Variants in ATRX observed in about 807,000 individuals in gnomAD.
ATRX encodes chromatin remodeler ATRX.
ATRX carries 12 observed loss-of-function variants against 172.6 expected under a neutral mutation model. That is an observed-to-expected ratio of 0.07 (90% CI 0.04 to 0.11). The LOEUF is 0.11. Ranked by LOEUF, ATRX falls within the 10% of genes least tolerant of loss-of-function variation. ATRX has a pLI of 1.00. For synonymous variants in ATRX, 674 were observed against 594.7 expected (o/e 1.13, Z -1.94); for missense variants, 1,368 against 1,767.4 (o/e 0.77, Z 4.05).
chrX:77,692,389 T>C (rs183201016), intron 6 of ATRX, among the ~76,000 whole-genome samples: 96 of 111,833 alleles, frequency 8.6e-4, no homozygotes, highest in African/African-American at 2.9e-3. Flanking sequence ...TCAAAAGGAG[T>C]TGACTACCCC....
intron 1 of ATRX, chrX:77,785,751 A>C (rs2148993836): frequency 1.6e-6 from 1 of 613,801 alleles, no homozygotes; most frequent in Non-Finnish European, 2.1e-6. Context: ...GAAGCGCCCC[A>C]TACCCTAGGC....
At chrX:77,536,502 G>A in intron 30 of ATRX, among the ~76,000 whole-genome samples, 1 of 111,729 alleles carries the variant, frequency 9.0e-6, no homozygotes, top group Middle Eastern at 4.6e-3. Context: ...AGACTTACAT[G>A]TATGAATCAG....
chrX:77,508,193 G>A lies in ATRX; in HGVS notation c.*158C>T. 1 of 566,294 alleles carries A rather than the reference G, an allele frequency of 1.8e-6. No individual in the cohort carries two copies. The allele number at this position is 566,294 out of a possible 1,213,427, so 46.7% of individuals were successfully genotyped here. A position where few individuals can be genotyped will look rare whatever the true frequency, so the allele number is the denominator to read the frequency against. ...GACAAATGTCAGGAAGAAATGGTAT[G>A]CCCTATTTAAAAAAAAAAAAAGTAA... On this transcript the variant is annotated 3_prime_UTR_variant, in exon 35 of 35. Coordinates refer to ENST00000373344, the MANE Select transcript of ATRX (RefSeq NM_000489.6).
At chrX:77,621,101 G>A (rs1325700269) in intron 19 of ATRX, among the ~76,000 whole-genome samples, 1 of 111,260 alleles carries the variant, frequency 9.0e-6, no homozygotes, top group Non-Finnish European at 1.9e-5. Flanking sequence ...CATGGGTATG[G>A]AGGGTAGGGA....
intron 1 of ATRX, among the ~76,000 whole-genome samples, chrX:77,760,505 G>C (rs937603162): frequency 4.8e-5 from 5 of 104,030 alleles, no homozygotes; most frequent in Middle Eastern, 4.8e-3. Context: ...AGCATTGGGA[G>C]ATATACCTAA....
chrX:77,708,105 T>C (rs1422369335), intron 2 of ATRX, among the ~76,000 whole-genome samples: 1 of 112,023 alleles, frequency 8.9e-6, no homozygotes, highest in African/African-American at 3.2e-5. Context: ...CAAAAATATA[T>C]GGCTACACAC....
intron 21 of ATRX, among the ~76,000 whole-genome samples, chrX:77,618,305 C>G (rs1348404123): frequency 8.9e-6 from 1 of 111,873 alleles, no homozygotes; most frequent in Non-Finnish European, 1.9e-5. Context: ...CACTGAAAAT[C>G]TGTATGTAAA....
At chrX:77,651,418 C>G (rs1291330131) in intron 15 of ATRX, among the ~76,000 whole-genome samples, 1 of 110,948 alleles carries the variant, frequency 9.0e-6, no homozygotes, top group Non-Finnish European at 1.9e-5. Flanking sequence ...TGAAACATTT[C>G]TCTACCCAAA....
At chrX:77,784,221 G>A (rs1392999729) in intron 1 of ATRX, among the ~76,000 whole-genome samples, 2 of 111,299 alleles carry the variant, frequency 1.8e-5, no homozygotes, top group Non-Finnish European at 3.8e-5. Context: ...CCTCCTCATC[G>A]GTAAAATGGG....
chrX:77,649,263 T>C (rs1335678828), intron 15 of ATRX, among the ~76,000 whole-genome samples: 1 of 111,091 alleles, frequency 9.0e-6, no homozygotes, highest in Non-Finnish European at 1.9e-5. Context: ...AAAGGAGTAA[T>C]ATAACGTGAC....
At chrX:77,576,277 T>C (rs1156752819) in intron 27 of ATRX, among the ~76,000 whole-genome samples, 8 of 111,228 alleles carry the variant, frequency 7.2e-5, no homozygotes, top group Non-Finnish European at 1.5e-4. Context: ...ATTGGTATGT[T>C]TTTGTAACAT....
chrX:77,763,688 C>A (rs1222770160), intron 1 of ATRX, among the ~76,000 whole-genome samples: 1 of 105,667 alleles, frequency 9.5e-6, no homozygotes, highest in African/African-American at 3.4e-5. Flanking sequence ...CCAGGCTGGT[C>A]TCGAACTCCT....
At chrX:77,543,284 G>A (rs1293424741) in intron 30 of ATRX, among the ~76,000 whole-genome samples, 5 of 111,715 alleles carry the variant, frequency 4.5e-5, no homozygotes, top group African/African-American at 1.6e-4. Flanking sequence ...TTAGAATGGC[G>A]ATCTTTAAAA....
Position 77,682,715 on chromosome X carries a change from A to C in ATRX, c.2541T>G (p.Phe847Leu), listed in dbSNP as rs782483240. The C allele has an allele frequency of 2.5e-6, 3 of 1,209,661 alleles. No individual in the cohort carries two copies. In the South Asian group the frequency reaches 5.3e-5, roughly 21 times the overall value. Reference protein sequence around the residue: ...TKKRIPNTKDFDSSEDEKHSK... With the variant: ...TKKRIPNTKDLDSSEDEKHSK... ...TGTGTTTCTCATCTTCAGAAGAGTC[A>C]AAATCTTTTGTATTTGGAATTCTTT... The change falls in exon 9 of 35, where the codon TTT (phenylalanine) becomes TTG (leucine). Residue 847 changes from phenylalanine (F) to leucine (L), a missense_variant. By Grantham distance (22) the Phe-to-Leu change is conservative (BLOSUM62 0). Coordinates refer to ENST00000373344, the MANE Select transcript of ATRX (RefSeq NM_000489.6).
At chrX:77,582,386 C>T (rs1335150511) in intron 27 of ATRX, among the ~76,000 whole-genome samples, 1 of 104,060 alleles carries the variant, frequency 9.6e-6, no homozygotes, top group Admixed American at 1.0e-4. Flanking sequence ...GGCAACAAAA[C>T]GAGACCTTGT....
intron 7 of ATRX, among the ~76,000 whole-genome samples, chrX:77,687,433 T>C (rs1317890933): frequency 8.9e-6 from 1 of 111,862 alleles, no homozygotes; most frequent in Admixed American, 9.5e-5. Flanking sequence ...GTCATACAAC[T>C]AGTAAGAGGC....
intron 1 of ATRX, among the ~76,000 whole-genome samples, chrX:77,756,903 A>G (rs1395858468): frequency 1.8e-5 from 2 of 109,725 alleles, no homozygotes; most frequent in Non-Finnish European, 3.8e-5. Flanking sequence ...CTCCTGCCTC[A>G]GCCTCCCAAG....
intron 1 of ATRX, among the ~76,000 whole-genome samples, chrX:77,730,486 G>A (rs1443437094): frequency 9.0e-6 from 1 of 111,630 alleles, no homozygotes; most frequent in Non-Finnish European, 1.9e-5. Flanking sequence ...GAGGCCAAAT[G>A]GACCTAATAG....
chrX:77,734,155 C>T (rs1293253230), intron 1 of ATRX, among the ~76,000 whole-genome samples: 1 of 110,182 alleles, frequency 9.1e-6, no homozygotes, highest in Non-Finnish European at 1.9e-5. Context: ...TGCAGTGAGC[C>T]GAGATCGTGC....
Sources: allele counts gnomAD v4.1 joint callset (sites outside exome capture counted in the v4.1 genomes callset), GRCh38; gene constraint gnomAD v4.1.1; transcripts MANE v1.5; gene names NCBI Gene and HGNC (gene_info 2026-07-23, HGNC 2026-07-21).